The following FOXP1 variants were observed in gnomAD, a reference collection of about 807,000 sequenced individuals.
The protein encoded by FOXP1 is forkhead box P1.
FOXP1 carries 15 observed loss-of-function variants against 98.2 expected under a neutral mutation model. The observed-to-expected ratio is 0.15, with a 90% CI of 0.10 to 0.24. The LOEUF (loss-of-function observed/expected upper bound fraction) is 0.24, where lower values mean the gene tolerates loss of function less well. Ranked by LOEUF, FOXP1 falls within the 10% of genes least tolerant of loss-of-function variation. The probability of loss-of-function intolerance (pLI) is 1.00; values close to 1 mark genes in which losing one functional copy is unlikely to be tolerated. For synonymous variants in FOXP1, 371 were observed against 314.5 expected, an observed-to-expected ratio of 1.18 and a Z score of -1.90; for missense variants, 633 against 848.5, an observed-to-expected ratio of 0.75 and a Z score of 3.15.
chr3:71,205,058 A>C (rs897691162), intron 5 of FOXP1, among the ~76,000 whole-genome samples: 2 of 152,194 alleles, frequency 1.3e-5, no homozygotes, highest in Admixed American at 1.3e-4. Flanking sequence ...TTCAAAAAGT[A>C]ATCAAGGGAA....
intron 6 of FOXP1, among the ~76,000 whole-genome samples, chr3:71,121,686 G>C (rs1434666267): frequency 6.6e-6 from 1 of 152,206 alleles, no homozygotes; most frequent in Non-Finnish European, 1.5e-5. Flanking sequence ...GAGCTGACAA[G>C]ATCACAGCCT....
intron 2 of FOXP1, among the ~76,000 whole-genome samples, chr3:71,509,360 G>A (rs1442116409): frequency 6.6e-6 from 1 of 152,140 alleles, no homozygotes; most frequent in African/African-American, 2.4e-5. Flanking sequence ...TCTTCCCTCT[G>A]TGTCATCACA....
intron 6 of FOXP1, 52 bp downstream of exon 6, chr3:71,198,150 A>C: frequency 6.2e-7 from 1 of 1,613,726 alleles, no homozygotes; most frequent in Non-Finnish European, 8.5e-7. Flanking sequence ...AAAATTCAGC[A>C]GTAAAATTCG....
intron 2 of FOXP1, among the ~76,000 whole-genome samples, chr3:71,556,362 G>A (rs1047341221): frequency 6.6e-6 from 1 of 152,050 alleles, no homozygotes; most frequent in Non-Finnish European, 1.5e-5. Context: ...CAGATCACGA[G>A]GTCAGGAGAT....
intron 5 of FOXP1, among the ~76,000 whole-genome samples, chr3:71,256,227 G>C (rs1202007480): frequency 6.6e-6 from 1 of 152,114 alleles, no homozygotes; most frequent in Non-Finnish European, 1.5e-5. Context: ...TGCTCAGAAA[G>C]GAGGTTGAAA....
chr3:71,398,466 T>C (rs973175307), intron 3 of FOXP1, among the ~76,000 whole-genome samples: 2 of 152,228 alleles, frequency 1.3e-5, no homozygotes, highest in Non-Finnish European at 2.9e-5. Flanking sequence ...ACACCTACTT[T>C]GCTGGTATAA....
chr3:71,349,531 G>A (rs2107831961), intron 4 of FOXP1, among the ~76,000 whole-genome samples: 1 of 152,186 alleles, frequency 6.6e-6, no homozygotes, highest in East Asian at 1.9e-4. Flanking sequence ...TGATGGACAT[G>A]AAAATTATTA....
chr3:70,982,000 TCTTAA>T (rs1181455836), intron 14 of FOXP1, among the ~76,000 whole-genome samples: 4 of 152,208 alleles, frequency 2.6e-5, no homozygotes, highest in Admixed American at 6.5e-5. Flanking sequence ...TACAGAAGTT[TCTTAA>T]CTTTTAAACT....
chr3:71,396,961 T>TATACACAC (rs2081449647), intron 3 of FOXP1, among the ~76,000 whole-genome samples: 1 of 36,520 alleles, frequency 2.7e-5, no homozygotes, highest in Non-Finnish European at 7.0e-5. Context: ...TATATATATA[T>TATACACAC]ATGTGTGTAT....
chr3:71,408,926 T>C (rs1485206212), intron 3 of FOXP1, among the ~76,000 whole-genome samples: 1 of 152,246 alleles, frequency 6.6e-6, no homozygotes, highest in Non-Finnish European at 1.5e-5. Flanking sequence ...ACTGAATCTT[T>C]GGAACCAGAA....
chr3:70,961,796 T>G (rs2033593140), intron 20 of FOXP1, among the ~76,000 whole-genome samples: 2 of 152,290 alleles, frequency 1.3e-5, no homozygotes, highest in South Asian at 4.1e-4. Flanking sequence ...CATGGTGGTG[T>G]GTGCCTGTAG....
At chr3:71,000,840 AAAAT>A in intron 13 of FOXP1, 128 bp downstream of exon 13, 1 of 379,244 alleles carries the variant, frequency 2.6e-6, no homozygotes, top group Non-Finnish European at 4.7e-6. Context: ...AAAATAAAAT[AAAAT>A]AAAGGACAAT....
chr3:71,091,288 G>A (rs563057762), intron 7 of FOXP1, among the ~76,000 whole-genome samples: 300 of 152,048 alleles, frequency 2.0e-3, no homozygotes, highest in Non-Finnish European at 3.6e-3. Flanking sequence ...TCAGGAGTTC[G>A]AGACCAGCCT....
intron 5 of FOXP1, among the ~76,000 whole-genome samples, chr3:71,244,472 A>T (rs1332018573): frequency 6.8e-6 from 1 of 146,236 alleles, no homozygotes; most frequent in Non-Finnish European, 1.5e-5. Flanking sequence ...GACCATGAGG[A>T]TTTGGAAAAG....
rs372746279 is a variant in FOXP1, at chr3:71,087,196, G to A, written c.282+25340C>T. Among the ~76,000 whole-genome samples the A allele has an allele frequency of 3.3e-5, 5 of 152,302 alleles. No individual in the cohort carries two copies. In the East Asian group the frequency reaches 7.7e-4, roughly 24 times the overall value. ...TGTGCAGGCCCTGAAGAGGTGAGCT[G>A]CACAACTGATGAGATCAAAAGACCA... On this transcript the variant is annotated intron_variant, in intron 7 of 20. Coordinates refer to ENST00000649528, the MANE Select transcript of FOXP1 (RefSeq NM_001349338.3).
At chr3:71,549,026 C>T (rs1031797690) in intron 2 of FOXP1, among the ~76,000 whole-genome samples, 9 of 152,146 alleles carry the variant, frequency 5.9e-5, no homozygotes, top group African/African-American at 2.2e-4. Context: ...GAACGTTAAC[C>T]ACTGCACAAC....
intron 3 of FOXP1, among the ~76,000 whole-genome samples, chr3:71,371,289 C>A (rs2107983773): frequency 6.6e-6 from 1 of 152,258 alleles, no homozygotes; most frequent in East Asian, 1.9e-4. Context: ...TCTCATTTCA[C>A]CAGGGCCAGC....
intron 6 of FOXP1, among the ~76,000 whole-genome samples, chr3:71,165,070 A>C (rs1288140224): frequency 6.6e-6 from 1 of 152,118 alleles, no homozygotes; most frequent in East Asian, 1.9e-4. Flanking sequence ...ACGGAAAGTG[A>C]ACTCCCATGA....
At chr3:71,013,264 C>T (rs2043928614) in intron 12 of FOXP1, among the ~76,000 whole-genome samples, 1 of 152,084 alleles carries the variant, frequency 6.6e-6, no homozygotes, top group Non-Finnish European at 1.5e-5. Context: ...AAGTTAAGAA[C>T]CAAATTGGTA....
Sources: allele counts gnomAD v4.1 joint callset (sites outside exome capture counted in the v4.1 genomes callset), GRCh38; gene constraint gnomAD v4.1.1; transcripts MANE v1.5; gene names NCBI Gene and HGNC (gene_info 2026-07-23, HGNC 2026-07-21).